The following ATP10B variants were observed in gnomAD, a reference collection of about 807,000 sequenced individuals.
The protein encoded by ATP10B is phospholipid-transporting ATPase VB.
ATP10B carries 122 observed loss-of-function variants against 141.2 expected under a neutral mutation model. The ratio of observed to expected loss-of-function variants is 0.86; its 90% CI spans 0.75 to 1.00. The LOEUF (loss-of-function observed/expected upper bound fraction) is 1.00. ATP10B is among the 50% of genes least tolerant of loss of function. The pLI is 0.00. For missense variants in ATP10B, 1,876 were observed against 1,825.3 expected (o/e 1.03, Z -0.51); for synonymous variants, 685 against 692.0 (o/e 0.99, Z 0.16).
chr5:160,841,493 A>G lies in ATP10B; in HGVS notation c.-576+10448T>C, dbSNP rs151043621. Among the ~76,000 whole-genome samples, 765 of 152,284 alleles carry G rather than the reference A, an allele frequency of 5.0e-3. 7 individuals carry two copies. The highest frequency in any genetic ancestry group is 0.018 in the African/African-American group (728 of 41,556). ...AGGAGGCAGTGTCACTTTTCTGAGC[A>G]TATGTTTTTGTATAATTTTGATATT... is the stretch of plus-strand genomic sequence containing the variant. On this transcript the variant is annotated intron_variant, in intron 1 of 25. Transcript: ENST00000327245.
At chr5:160,592,480 GA>G (rs898373326) in intron 22 of ATP10B, among the ~76,000 whole-genome samples, 46 of 152,358 alleles carry the variant, frequency 3.0e-4, no homozygotes, top group African/African-American at 1.1e-3. Context: ...CTCCCAGCAT[GA>G]GCGACACAGA....
intron 12 of ATP10B, chr5:160,634,035 TG>T (rs2127665026): frequency 2.4e-6 from 1 of 417,462 alleles, no homozygotes; most frequent in East Asian, 5.5e-5. Context: ...GGCACACAAT[TG>T]GGAAATGTCT....
At chr5:160,681,174 A>G (rs1763378730) in intron 6 of ATP10B, among the ~76,000 whole-genome samples, 1 of 152,222 alleles carries the variant, frequency 6.6e-6, no homozygotes, top group Admixed American at 6.5e-5. Context: ...GGCAAAGAAC[A>G]TCTCAACTGA....
intron 22 of ATP10B, among the ~76,000 whole-genome samples, chr5:160,598,392 TG>T (rs1756870427): frequency 6.6e-6 from 1 of 150,652 alleles, no homozygotes; most frequent in Non-Finnish European, 1.5e-5. Context: ...TGTTGTGGGG[TG>T]GGGGGAGCAG....
chr5:160,658,574 G>A lies in ATP10B; in HGVS notation c.676-9318C>T, dbSNP rs180809910. The stretch of plus-strand genomic sequence containing the variant: ...GAGGATGCCAATCACAGAGTCCTTT[G>A]TTTCTGGCCAGAGTTAATTTGTCTA... On this transcript the variant is annotated intron_variant, in intron 7 of 25. Transcript: ENST00000327245. Among the ~76,000 whole-genome samples, 477 of 152,296 alleles carry A rather than the reference G, an allele frequency of 3.1e-3. 2 individuals are homozygous for A. Among genetic ancestry groups the A allele is most frequent in the African/African-American group, 0.011 (453 of 41,566 alleles).
intron 15 of ATP10B, among the ~76,000 whole-genome samples, chr5:160,619,552 T>C (rs1043870219): frequency 6.6e-6 from 1 of 152,162 alleles, no homozygotes; most frequent in Non-Finnish European, 1.5e-5. Flanking sequence ...CATAAACCTC[T>C]TGGCCCTGAT....
intron 9 of ATP10B, 36 bp downstream of exon 9, chr5:160,644,102 G>A: frequency 6.4e-7 from 1 of 1,572,250 alleles, no homozygotes; most frequent in Non-Finnish European, 8.8e-7. Flanking sequence ...AAGGATAAAG[G>A]AAAATTCAGA....
the ATP10B span, among the ~76,000 whole-genome samples, chr5:160,859,496 G>T: frequency 4.6e-5 from 7 of 151,356 alleles, no homozygotes; most frequent in South Asian, 1.5e-3. Flanking sequence ...CAAAGCACAG[G>T]CCCCCTCCCC....
At chr5:160,891,669 C>T in the ATP10B span, among the ~76,000 whole-genome samples, 1 of 152,158 alleles carries the variant, frequency 6.6e-6, no homozygotes, top group African/African-American at 2.4e-5. Flanking sequence ...AACTCCTGGC[C>T]TCAAGTGATC....
At chr5:160,743,839 A>G (rs1231290602) in intron 2 of ATP10B, among the ~76,000 whole-genome samples, 1 of 152,144 alleles carries the variant, frequency 6.6e-6, no homozygotes, top group East Asian at 1.9e-4. Flanking sequence ...ATGTCCAGAG[A>G]CAGTTTTGAT....
chr5:160,871,003 A>G, the ATP10B span, among the ~76,000 whole-genome samples: 2 of 152,190 alleles, frequency 1.3e-5, no homozygotes, highest in African/African-American at 4.8e-5. Flanking sequence ...ATACAGGAGA[A>G]ATAAAGCCTT....
intron 1 of ATP10B, among the ~76,000 whole-genome samples, chr5:160,801,271 T>C (rs1363300309): frequency 6.6e-6 from 1 of 152,180 alleles, no homozygotes; most frequent in Non-Finnish European, 1.5e-5. Flanking sequence ...TGCAACTTAT[T>C]GTTCCACTCT....
At chr5:160,692,393 C>T (rs972289371) in intron 3 of ATP10B, among the ~76,000 whole-genome samples, 2 of 152,104 alleles carry the variant, frequency 1.3e-5, no homozygotes, top group African/African-American at 4.8e-5. Flanking sequence ...TTGAAGCTGT[C>T]CTCACAGGGC....
At chr5:160,738,725 T>C (rs1767281350) in intron 2 of ATP10B, among the ~76,000 whole-genome samples, 1 of 152,056 alleles carries the variant, frequency 6.6e-6, no homozygotes. Context: ...CTTTGTCAAT[T>C]AAAAATTTGA....
chr5:160,811,465 T>A (rs1773146964), intron 1 of ATP10B, among the ~76,000 whole-genome samples: 1 of 151,976 alleles, frequency 6.6e-6, no homozygotes, highest in Admixed American at 6.6e-5. Context: ...GAAGGGTGAT[T>A]CCCAGACCAG....
At chr5:160,640,428 C>A in intron 10 of ATP10B, 33 bp downstream of exon 10, 1 of 1,604,868 alleles carries the variant, frequency 6.2e-7, no homozygotes, top group Non-Finnish European at 8.5e-7. Flanking sequence ...AAATCGATTA[C>A]TGTGTCCTTG....
At chr5:160,848,710 G>A (rs561389216) in intron 1 of ATP10B, among the ~76,000 whole-genome samples, 2 of 152,214 alleles carry the variant, frequency 1.3e-5, no homozygotes, top group African/African-American at 2.4e-5. Flanking sequence ...TGTTGAAATG[G>A]GAGATTAGCA....
the ATP10B span, among the ~76,000 whole-genome samples, chr5:160,862,493 C>T: frequency 5.9e-3 from 894 of 152,046 alleles, 12 homozygotes; most frequent in African/African-American, 0.02. Flanking sequence ...ACAGGTTTCT[C>T]TGGTTAAACT....
intron 1 of ATP10B, among the ~76,000 whole-genome samples, chr5:160,822,503 T>C (rs954556321): frequency 1.3e-5 from 2 of 152,084 alleles, no homozygotes; most frequent in Non-Finnish European, 2.9e-5. Context: ...AGCAATCTTT[T>C]TCATAGGTAT....
Sources: allele counts gnomAD v4.1 joint callset (sites outside exome capture counted in the v4.1 genomes callset), GRCh38; gene constraint gnomAD v4.1.1; transcripts MANE v1.5; gene names NCBI Gene and HGNC (gene_info 2026-07-23, HGNC 2026-07-21).